NEDD4: variants seen among roughly 807,000 people sequenced by gnomAD.
The protein encoded by NEDD4 is NEDD4 E3 ubiquitin protein ligase.
NEDD4 carries 99 observed loss-of-function variants against 144.9 expected under a neutral mutation model. That is an observed-to-expected ratio of 0.68 (90% confidence interval 0.58 to 0.81). The LOEUF (loss-of-function observed/expected upper bound fraction) is 0.81, where lower values mean the gene tolerates loss of function less well. Among genes scored for constraint, NEDD4 ranks in the 30% least tolerant of loss-of-function variants. The pLI is 0.00. For synonymous variants in NEDD4, 318 were observed against 350.6 expected (o/e 0.91, Z 1.04); for missense variants, 985 against 1,065.9 (o/e 0.92, Z 1.06).
intron 5 of NEDD4, among the ~76,000 whole-genome samples, chr15:55,909,716 C>T (rs1217070702): frequency 6.6e-6 from 1 of 152,158 alleles, no homozygotes; most frequent in South Asian, 2.1e-4. Context: ...GGAGAGTGGA[C>T]ACAAACGGGT....
At chr15:55,921,379 C>T (rs2036566254) in intron 5 of NEDD4, among the ~76,000 whole-genome samples, 1 of 151,716 alleles carries the variant, frequency 6.6e-6, no homozygotes, top group Non-Finnish European at 1.5e-5. Flanking sequence ...GGCTGGAATG[C>T]AATGGTGTGA....
chr15:55,900,630 C>T (rs1435799413), intron 5 of NEDD4, among the ~76,000 whole-genome samples: 2 of 152,070 alleles, frequency 1.3e-5, no homozygotes, highest in African/African-American at 2.4e-5. Context: ...GGAGAGATAG[C>T]TATAAGAGAG....
chr15:55,850,613 C>G lies in NEDD4; in HGVS notation c.1276G>C (p.Gly426Arg). Residue 426 changes from glycine to arginine, a missense_variant, in exon 14 of 29, where the codon GGC (glycine) becomes CGC (arginine). Transcript: ENST00000435532. ...SEIEQGFLPKGWEVRHAPNGR... is the reference protein window; with the variant it reads ...SEIEQGFLPKRWEVRHAPNGR... Reference sequence around the variant, plus strand: ...TTTGGTGCATGCCGGACTTCCCAGCCTTTAGGAAGGAATCCTTGCTCAATT... The same window carrying G: ...TTTGGTGCATGCCGGACTTCCCAGCGTTTAGGAAGGAATCCTTGCTCAATT... 2 of 1,614,152 alleles carry G rather than the reference C, an allele frequency of 1.2e-6. No homozygotes were observed. Among genetic ancestry groups the G allele is most frequent in the Non-Finnish European group, 8.5e-7 (1 of 1,180,036 alleles).
In NEDD4 at chr15:55,833,115, T is replaced by A. The variant is rs1261287163; in HGVS notation, c.2431-11A>T. ...CATCATTAAAACAGCCTGAATAAGATAAAAACATCATTTAGGGAACAGCAC... is the reference window on the plus strand; with the variant it reads ...CATCATTAAAACAGCCTGAATAAGAAAAAAACATCATTTAGGGAACAGCAC... On this transcript the variant is annotated splice_polypyrimidine_tract_variant and intron_variant, in intron 26 of 28. Transcript: ENST00000435532. 2 of 1,560,624 alleles carry A rather than the reference T, an allele frequency of 1.3e-6. No individual in the cohort carries two copies. The highest frequency in any genetic ancestry group is 8.8e-7 in the Non-Finnish European group (1 of 1,134,092).
intron 24 of NEDD4, 76 bp downstream of exon 24, chr15:55,837,713 G>T: frequency 2.1e-6 from 2 of 957,426 alleles, no homozygotes; most frequent in Non-Finnish European, 3.2e-6. Context: ...TTTCTCAGAT[G>T]TGATGAGGCC....
intron 1 of NEDD4, among the ~76,000 whole-genome samples, chr15:55,990,189 C>A (rs1509407): frequency 0.99 from 150,749 of 151,986 alleles, 74,769 homozygotes; most frequent in Middle Eastern, 1. Context: ...ACAATGTAAT[C>A]ATAATAGAAG....
At position 55,838,162 on chromosome 15, in the gene NEDD4, T is replaced by C; in HGVS notation, c.2146A>G (p.Lys716Glu). The C allele has an allele frequency of 6.3e-7, 1 of 1,597,708 alleles. No individual in the cohort carries two copies. The change falls in exon 23 of 29, where the codon AAA (lysine) becomes GAA (glutamate). Residue 716 changes from lysine to glutamate, a missense_variant. By Grantham distance (56) the Lys-to-Glu change is moderately conservative. Coordinates refer to ENST00000435532, the MANE Select transcript of NEDD4 (RefSeq NM_006154.4). ...LFGQTHQHELKNGGSEIVVTN... is the reference protein window; with the variant it reads ...LFGQTHQHELENGGSEIVVTN... Reference sequence around the variant, plus strand: ...ACAACTATTTCTGATCCACCATTTTTCAGCTCATGTTGATGTGTCTAAAAT... The same window carrying C: ...ACAACTATTTCTGATCCACCATTTTCCAGCTCATGTTGATGTGTCTAAAAT...
intron 4 of NEDD4, among the ~76,000 whole-genome samples, chr15:55,942,219 T>A (rs1394162055): frequency 6.6e-6 from 1 of 152,218 alleles, no homozygotes; most frequent in Non-Finnish European, 1.5e-5. Context: ...CTTGTTGAAT[T>A]CACTCTTTAT....
intron 11 of NEDD4, among the ~76,000 whole-genome samples, 169 bp from the exon 12 acceptor site, chr15:55,856,365 G>A (rs557220599): frequency 7.9e-5 from 12 of 152,180 alleles, no homozygotes; most frequent in African/African-American, 2.4e-4. Flanking sequence ...AGCCCCCTAC[G>A]TGGACACCTT....
At chr15:55,956,149 G>A (rs1220167357) in intron 2 of NEDD4, among the ~76,000 whole-genome samples, 1 of 151,992 alleles carries the variant, frequency 6.6e-6, no homozygotes, top group Non-Finnish European at 1.5e-5. Context: ...ATTTTTGTGG[G>A]TACATAGTAG....
At chr15:55,878,577 C>T (rs2142083005) in intron 5 of NEDD4, among the ~76,000 whole-genome samples, 1 of 152,224 alleles carries the variant, frequency 6.6e-6, no homozygotes, top group South Asian at 2.1e-4. Context: ...AAACATATAC[C>T]AGTATATGAC....
chr15:55,898,224 A>G (rs974683490), intron 5 of NEDD4, among the ~76,000 whole-genome samples: 8 of 152,216 alleles, frequency 5.3e-5, no homozygotes, highest in Admixed American at 1.3e-4. Context: ...CACTGCACAT[A>G]GTTGGAAGTC....
intron 4 of NEDD4, among the ~76,000 whole-genome samples, chr15:55,949,251 A>T (rs1376377734): frequency 6.6e-6 from 1 of 152,198 alleles, no homozygotes; most frequent in African/African-American, 2.4e-5. Context: ...CCACAATGAG[A>T]TACCATCTCA....
At chr15:55,977,518 C>T (rs2037726126) in intron 1 of NEDD4, among the ~76,000 whole-genome samples, 1 of 152,038 alleles carries the variant, frequency 6.6e-6, no homozygotes, top group Non-Finnish European at 1.5e-5. Flanking sequence ...TCTAAAAATC[C>T]ATATGGTAAA....
chr15:55,881,632 A>T (rs2035196450), intron 5 of NEDD4, among the ~76,000 whole-genome samples: 1 of 151,982 alleles, frequency 6.6e-6, no homozygotes, highest in Non-Finnish European at 1.5e-5. Flanking sequence ...TAATCAGATT[A>T]AAAAAAACAA....
intron 1 of NEDD4, chr15:55,992,083 G>A (rs1259766085): frequency 6.6e-6 from 1 of 152,214 alleles, no homozygotes; most frequent in African/African-American, 2.4e-5. Flanking sequence ...ACTGCACTGG[G>A]CAGTCTACGT....
chr15:55,840,241 T>C (rs1457195023), intron 21 of NEDD4, among the ~76,000 whole-genome samples: 4 of 151,516 alleles, frequency 2.6e-5, no homozygotes, highest in Admixed American at 6.6e-5. Flanking sequence ...TTGTGAGTAG[T>C]TGATATACAA....
At position 55,966,489 on chromosome 15, in the gene NEDD4, C is replaced by T. The variant is rs1383883730; in HGVS notation, c.103G>A (p.Asp35Asn). 4.6e-6 allele frequency: 7 copies of T among 1,531,412 alleles called. No homozygotes were observed. The highest frequency in any genetic ancestry group is 2.2e-5 in the Admixed American group (1 of 46,468). The allele number at this position is 1,531,412 out of a possible 1,614,324, so 94.9% of individuals were successfully genotyped here. A position where few individuals can be genotyped will look rare whatever the true frequency, so the allele number is the denominator to read the frequency against. ...TATACTTACCTAGCTCCCAATATATCCTTCTTGGCAAGGCCTATTCCGGCT... is the reference window on the plus strand; with the variant it reads ...TATACTTACCTAGCTCCCAATATATTCTTCTTGGCAAGGCCTATTCCGGCT... ...VIAGIGLAKK[D>N]ILGASDPYVR... Residue 35 changes from aspartate (D) to asparagine (N), a missense_variant, in exon 2 of 29, where the codon GAT (aspartate) becomes AAT (asparagine). By Grantham distance (23) the Asp-to-Asn change is conservative. Coordinates refer to ENST00000435532, the MANE Select transcript of NEDD4 (RefSeq NM_006154.4).
intron 2 of NEDD4, among the ~76,000 whole-genome samples, chr15:55,952,996 T>TC (rs113701977): frequency 0.029 from 4,426 of 151,794 alleles, 74 homozygotes; most frequent in Non-Finnish European, 0.035. Context: ...CTTTTTTTTT[T>TC]TCTTTTTTTT....
Sources: allele counts gnomAD v4.1 joint callset (sites outside exome capture counted in the v4.1 genomes callset), GRCh38; gene constraint gnomAD v4.1.1; transcripts MANE v1.5; gene names NCBI Gene and HGNC (gene_info 2026-07-23, HGNC 2026-07-21).